The following GTF2E2 variants were observed in gnomAD, a reference collection of about 807,000 sequenced individuals.
The protein encoded by GTF2E2 is transcription initiation factor IIE subunit beta.
GTF2E2 carries 21 observed loss-of-function variants against 40.5 expected under a neutral mutation model. The observed-to-expected ratio is 0.52, with a 90% CI of 0.37 to 0.75. The LOEUF (loss-of-function observed/expected upper bound fraction) is 0.75, where lower values mean the gene tolerates loss of function less well. Ranked by LOEUF, GTF2E2 falls within the 30% of genes least tolerant of loss-of-function variation. GTF2E2 has a pLI of 0.00. For synonymous variants in GTF2E2, 117 were observed against 121.6 expected, an observed-to-expected ratio of 0.96 and a Z score of 0.25; for missense variants, 298 against 338.4, an observed-to-expected ratio of 0.88 and a Z score of 0.94.
intron 3 of GTF2E2, among the ~76,000 whole-genome samples, chr8:30,617,313 ATTC>A (rs1800950754): frequency 6.6e-6 from 1 of 152,204 alleles, no homozygotes; most frequent in Non-Finnish European, 1.5e-5. Context: ...TCATTCACTT[ATTC>A]ATTCAAATAT....
intron 3 of GTF2E2, among the ~76,000 whole-genome samples, chr8:30,628,634 AT>A (rs1297776300): frequency 6.6e-6 from 1 of 152,210 alleles, no homozygotes; most frequent in Non-Finnish European, 1.5e-5. Context: ...ATAAATTGGT[AT>A]TAAATTTTAC....
intron 6 of GTF2E2, among the ~76,000 whole-genome samples, chr8:30,602,616 C>T (rs969842043): frequency 1.4e-4 from 22 of 151,820 alleles, no homozygotes; most frequent in Admixed American, 1.4e-3. Flanking sequence ...ATTAGCCAGG[C>T]GTGGTGGCAT....
chr8:30,589,613 C>A (rs1828782384), intron 6 of GTF2E2, among the ~76,000 whole-genome samples: 1 of 152,200 alleles, frequency 6.6e-6, no homozygotes, highest in Admixed American at 6.5e-5. Flanking sequence ...ATTATAAAGA[C>A]AAGTGCCACT....
rs540065989 is a variant in GTF2E2, at chr8:30,593,685, G to A, written c.644-13289C>T. 1.4e-4 allele frequency among the ~76,000 whole-genome samples: 22 copies of A among 152,132 alleles called. 1 individual carries two copies. The highest frequency in any genetic ancestry group is 4.1e-4 in the African/African-American group (17 of 41,486). On this transcript the variant is annotated intron_variant, in intron 6 of 7. Coordinates refer to ENST00000355904, the MANE Select transcript of GTF2E2 (RefSeq NM_002095.6). ...CTGAGTTTTTATTTTTTGTAGAGAC[G>A]AGGTTTCGCCACGTTGCCCAGGCTG...
At chr8:30,636,841 G>C in intron 2 of GTF2E2, 1 of 328,432 alleles carries the variant, frequency 3.0e-6, no homozygotes, top group South Asian at 2.4e-5. Flanking sequence ...AACAGAGTGA[G>C]ACTCCGTCTC....
chr8:30,599,986 A>G (rs1194195819), intron 6 of GTF2E2, among the ~76,000 whole-genome samples: 1 of 152,188 alleles, frequency 6.6e-6, no homozygotes, highest in Non-Finnish European at 1.5e-5. Flanking sequence ...TGTCTCAAAA[A>G]ATAAATAAAT....
rs567755476 is a variant in GTF2E2 at position 30,643,073 on chromosome 8, C to A, written c.167-7950G>T. Among the ~76,000 whole-genome samples, 6 of 152,134 alleles carry A rather than the reference C, an allele frequency of 3.9e-5. No individual in the cohort carries two copies. The South Asian group carries it at 1.2e-3, about 32-fold the overall frequency. ...CCATCCAGAGAGGTGAAGTGACTTA[C>A]CAAGCAAACCTAAGAAAACAAAAAC... On this transcript the variant is annotated intron_variant, in intron 2 of 7. Coordinates refer to ENST00000355904, the MANE Select transcript of GTF2E2 (RefSeq NM_002095.6).
intron 6 of GTF2E2, 51 bp downstream of exon 6, chr8:30,607,006 C>T (rs1214944700): frequency 1.5e-6 from 1 of 663,454 alleles, no homozygotes; most frequent in Non-Finnish European, 2.6e-6. Context: ...ATTTTACCAC[C>T]CTAAAATTGT....
In GTF2E2 at chr8:30,578,731, T is replaced by C. The variant is rs1477002667; in HGVS notation, c.*190A>G. 7.9e-6 allele frequency: 4 copies of C among 507,566 alleles called. No individual in the cohort carries two copies. Among genetic ancestry groups the C allele is most frequent in the East Asian group, 3.4e-5 (1 of 29,192 alleles). 31.4% of individuals were successfully genotyped at this position (507,566 alleles called of 1,614,324 possible). A position where few individuals can be genotyped will look rare whatever the true frequency, so the allele number is the denominator to read the frequency against. ...AGTAACAGAAGGTTAACAGGGAACA[T>C]CACATTGCCCATGAGCCCATTCTAC... is the stretch of plus-strand genomic sequence containing the variant. On this transcript the variant is annotated 3_prime_UTR_variant, in exon 8 of 8. Coordinates refer to ENST00000355904, the MANE Select transcript of GTF2E2 (RefSeq NM_002095.6).
At chr8:30,643,111 A>G (rs1801910024) in intron 2 of GTF2E2, among the ~76,000 whole-genome samples, 2 of 152,186 alleles carry the variant, frequency 1.3e-5, no homozygotes, top group African/African-American at 4.8e-5. Flanking sequence ...TAGAAAACAT[A>G]ATTTTATCAA....
chr8:30,618,487 G>T (rs1221357615), intron 3 of GTF2E2, among the ~76,000 whole-genome samples: 2 of 152,080 alleles, frequency 1.3e-5, no homozygotes, highest in Non-Finnish European at 2.9e-5. Context: ...AGCATGCATG[G>T]CCTCGCTCAT....
chr8:30,629,831 GA>G (rs1801390488), intron 3 of GTF2E2, among the ~76,000 whole-genome samples: 1 of 152,042 alleles, frequency 6.6e-6, no homozygotes, highest in Non-Finnish European at 1.5e-5. Flanking sequence ...TGACACTGGA[GA>G]AACACTAAGC....
chr8:30,596,595 C>T (rs894949143), intron 6 of GTF2E2, among the ~76,000 whole-genome samples: 1 of 152,142 alleles, frequency 6.6e-6, no homozygotes, highest in African/African-American at 2.4e-5. Flanking sequence ...TTAAAAATGT[C>T]CTGTCTCAAT....
chr8:30,608,995 C>T (rs13262704), intron 5 of GTF2E2, among the ~76,000 whole-genome samples: 52,682 of 151,920 alleles, frequency 0.35, 9,346 homozygotes, highest in African/African-American at 0.44. Context: ...GTGATCCACC[C>T]GCCTCGGCCT....
chr8:30,653,922 C>CTACAAAAATACAAAAAA (rs1448955249), intron 1 of GTF2E2, among the ~76,000 whole-genome samples: 2 of 151,842 alleles, frequency 1.3e-5, no homozygotes, highest in African/African-American at 4.8e-5. Flanking sequence ...TACCTCCTGT[C>CTACAAAAATACAAAAAA]TACAAAAATA....
chr8:30,645,532 A>C, intron 2 of GTF2E2: 2 of 1,535,726 alleles, frequency 1.3e-6, no homozygotes, highest in Non-Finnish European at 1.7e-6. Flanking sequence ...AGACTTGAAA[A>C]GTGAACCCAA....
intron 2 of GTF2E2, among the ~76,000 whole-genome samples, chr8:30,639,699 G>A (rs777663063): frequency 8.6e-5 from 13 of 151,548 alleles, no homozygotes; most frequent in Non-Finnish European, 1.6e-4. Flanking sequence ...ATACTATATC[G>A]GACCTAAAGA....
At chr8:30,599,780 C>T (rs931661673) in intron 6 of GTF2E2, among the ~76,000 whole-genome samples, 2 of 152,026 alleles carry the variant, frequency 1.3e-5, no homozygotes, top group Non-Finnish European at 2.9e-5. Context: ...GTCAAGAGAT[C>T]GAGACCATCC....
chr8:30,581,081 C>T (rs1828503402), intron 6 of GTF2E2, among the ~76,000 whole-genome samples: 2 of 152,232 alleles, frequency 1.3e-5, no homozygotes. Context: ...ACATTATTTA[C>T]ATCTTACATT....
Sources: allele counts gnomAD v4.1 joint callset (sites outside exome capture counted in the v4.1 genomes callset), GRCh38; gene constraint gnomAD v4.1.1; transcripts MANE v1.5; gene names NCBI Gene and HGNC (gene_info 2026-07-23, HGNC 2026-07-21).